Variants in ZNF571 observed in about 807,000 individuals in gnomAD.
ZNF571 encodes zinc finger protein 571.
In ZNF571, 4 loss-of-function variants were observed where a neutral mutation model predicts 7.7. The ratio of observed to expected loss-of-function variants is 0.52; its 90% confidence interval spans 0.25 to 1.18. ZNF571 has a LOEUF of 1.18. Among genes scored for constraint, ZNF571 ranks in the 50% most tolerant of loss-of-function variants. ZNF571 has a pLI of 0.14. For synonymous variants in ZNF571, 251 were observed against 232.4 expected (o/e 1.08, Z -0.73); for missense variants, 704 against 726.9 (o/e 0.97, Z 0.36).
intron 3 of ZNF571, among the ~76,000 whole-genome samples, chr19:37,582,209 C>G (rs1464364226): frequency 6.6e-6 from 1 of 152,176 alleles, no homozygotes; most frequent in Non-Finnish European, 1.5e-5. Flanking sequence ...TTTAAATACT[C>G]CACAATGAGG....
chr19:37,581,143 G>A (rs1426772239), intron 3 of ZNF571, among the ~76,000 whole-genome samples: 1 of 152,090 alleles, frequency 6.6e-6, no homozygotes. Context: ...AAAAAGACAA[G>A]CTAAAATTTA....
At chr19:37,570,262 T>C (rs527292139) in intron 3 of ZNF571, among the ~76,000 whole-genome samples, 4 of 152,192 alleles carry the variant, frequency 2.6e-5, no homozygotes, top group Admixed American at 6.5e-5. Context: ...AAACTATGCC[T>C]TTTGGAATTC....
rs1251891198 is a variant in ZNF571 at position 37,566,119 on chromosome 19, C to T, written c.309G>A (p.Gln103=). The T allele has an allele frequency of 1.2e-6, 2 of 1,614,032 alleles. No homozygotes were observed. Among genetic ancestry groups the T allele is most frequent in the African/African-American group, 2.7e-5 (2 of 75,036 alleles). The change falls in exon 4 of 4, where the codon CAG becomes CAA. Residue 103 remains glutamine, a synonymous_variant. Coordinates refer to ENST00000451802, the MANE Select transcript of ZNF571 (RefSeq NM_016536.5). ...TTTTGACACACATGTAAAGCCCTTC[C>T]TGACTTGCTTCTTGACCCTCTAAGT... The part of the protein sequence containing the change: ...KGNLEGQEAS[Q]EGLYMCVKIT...
At chr19:37,590,428 G>GA (rs1028784316) in intron 1 of ZNF571, among the ~76,000 whole-genome samples, 8 of 135,868 alleles carry the variant, frequency 5.9e-5, no homozygotes, top group African/African-American at 2.0e-4. Context: ...AAAAAAAGAA[G>GA]AAGAAAAAAA....
At chr19:37,573,841 AAAAAG>A (rs1248457947) in intron 3 of ZNF571, among the ~76,000 whole-genome samples, 2 of 151,824 alleles carry the variant, frequency 1.3e-5, no homozygotes, top group Non-Finnish European at 2.9e-5. Context: ...TCAAAAAAAA[AAAAAG>A]AAAGAAAAAG....
At chr19:37,575,490 A>G (rs1228683071) in intron 3 of ZNF571, 1 of 152,200 alleles carries the variant, frequency 6.6e-6, no homozygotes, top group Non-Finnish European at 1.5e-5. Context: ...ATCCTTGACA[A>G]CAAGCTTATT....
At chr19:37,570,258 T>C (rs1375681494) in intron 3 of ZNF571, among the ~76,000 whole-genome samples, 2 of 152,216 alleles carry the variant, frequency 1.3e-5, no homozygotes, top group Non-Finnish European at 2.9e-5. Flanking sequence ...CTCCAAACTA[T>C]GCCTTTTGGA....
Position 37,564,627 on chromosome 19 carries a change from G to A in ZNF571, c.1801C>T (p.Leu601Phe). Residue 601 changes from leucine to phenylalanine, a missense_variant, in exon 4 of 4, where the codon CTT (leucine) becomes TTT (phenylalanine). Transcript: ENST00000451802. ...TTATGAAGCCTTGTATGTTGAGTAAGTTGTGAAGGACATCTAAAGTCTTTA... is the reference window on the plus strand; with the variant it reads ...TTATGAAGCCTTGTATGTTGAGTAAATTGTGAAGGACATCTAAAGTCTTTA... ...CGKDFRCPSQ[L>F]TQHTRLHN 6.4e-7 allele frequency: 1 copy of A among 1,560,618 alleles called. No homozygotes were observed. The highest frequency in any genetic ancestry group is 8.7e-7 in the Non-Finnish European group (1 of 1,154,256).
intron 2 of ZNF571, among the ~76,000 whole-genome samples, chr19:37,584,887 C>A (rs1009501916): frequency 1.3e-5 from 2 of 151,456 alleles, no homozygotes; most frequent in Non-Finnish European, 2.9e-5. Context: ...TGGCGTGAAC[C>A]CTGGAGGCGG....
At chr19:37,585,866 G>A (rs1398957433) in intron 2 of ZNF571, 3 of 152,134 alleles carry the variant, frequency 2.0e-5, no homozygotes, top group Non-Finnish European at 4.4e-5. Flanking sequence ...GGAGGCAGGT[G>A]AGTAAAAAAA....
At chr19:37,588,379 A>G (rs1201160533) in intron 1 of ZNF571, among the ~76,000 whole-genome samples, 1 of 152,214 alleles carries the variant, frequency 6.6e-6, no homozygotes, top group Admixed American at 6.5e-5. Flanking sequence ...TGGATACTGT[A>G]AAAAGGAACA....
chr19:37,581,264 AGT>A (rs1427341763), intron 3 of ZNF571, among the ~76,000 whole-genome samples: 2 of 152,254 alleles, frequency 1.3e-5, no homozygotes, highest in East Asian at 3.9e-4. Flanking sequence ...ATAATAGATT[AGT>A]CTCTTTTTAA....
At chr19:37,584,689 G>A (rs570871628) in intron 2 of ZNF571, among the ~76,000 whole-genome samples, 6 of 152,230 alleles carry the variant, frequency 3.9e-5, no homozygotes, top group South Asian at 4.2e-4. Flanking sequence ...TCGGCCGGGC[G>A]CGGTGGCTCA....
chr19:37,566,889 A>G (rs2042879528), intron 3 of ZNF571, among the ~76,000 whole-genome samples: 1 of 152,156 alleles, frequency 6.6e-6, no homozygotes, highest in Non-Finnish European at 1.5e-5. Flanking sequence ...TATGGCTCAC[A>G]AGACCCTACA....
chr19:37,577,987 C>T (rs920909697), intron 3 of ZNF571, among the ~76,000 whole-genome samples: 1 of 152,182 alleles, frequency 6.6e-6, no homozygotes, highest in African/African-American at 2.4e-5. Context: ...AGCTCCGCCT[C>T]CGGTCAGATC....
chr19:37,581,570 T>C (rs1343393740), intron 3 of ZNF571, among the ~76,000 whole-genome samples: 1 of 151,314 alleles, frequency 6.6e-6, no homozygotes, highest in African/African-American at 2.4e-5. Context: ...GCTCAAATGA[T>C]CCTCCCAACT....
At chr19:37,594,170 TC>T (rs936744803) in intron 1 of ZNF571, 2 of 152,222 alleles carry the variant, frequency 1.3e-5, no homozygotes, top group African/African-American at 4.8e-5. Flanking sequence ...CTAAGACACT[TC>T]CAGGGGTAAA....
Position 37,565,951 on chromosome 19 carries a change from T to A in ZNF571, c.477A>T (p.Glu159Asp), listed in dbSNP as rs769371593. Residue 159 changes from glutamate to aspartate, a missense_variant, in exon 4 of 4, where the codon GAA (glutamate) becomes GAT (aspartate). By Grantham distance (45) the Glu-to-Asp change is conservative. Coordinates refer to ENST00000451802, the MANE Select transcript of ZNF571 (RefSeq NM_016536.5). ...CAGAGCATTTTTCTATATTATGATT[T>A]TCCTCATGTTGAATAAGGCATGACA... ...SYLSCLIQHEENHNIEKCSEV... is the reference protein window; with the variant it reads ...SYLSCLIQHEDNHNIEKCSEV... 4 of 1,613,726 alleles carry A rather than the reference T, an allele frequency of 2.5e-6. No homozygotes were observed. In the Admixed American group the frequency reaches 6.7e-5, roughly 27 times the overall value.
chr19:37,572,939 A>G (rs2043116058), intron 3 of ZNF571, among the ~76,000 whole-genome samples: 2 of 152,186 alleles, frequency 1.3e-5, no homozygotes, highest in Admixed American at 1.3e-4. Context: ...CAAACTTTAA[A>G]ACTGACACTC....
Sources: gnomAD v4.1 joint callset for allele counts (sites outside exome capture counted in the v4.1 genomes callset) on GRCh38, gnomAD v4.1.1 for gene constraint, MANE v1.5 for transcripts, NCBI Gene and HGNC (gene_info 2026-07-23, HGNC 2026-07-21) for gene names.